STAG1: variants seen among roughly 807,000 people sequenced by gnomAD.
STAG1 encodes STAG1 cohesin complex component.
A neutral mutation model predicts 170.9 loss-of-function variants in STAG1; 26 were observed. That is an observed-to-expected ratio of 0.15 (90% confidence interval 0.11 to 0.21). The LOEUF is 0.21. Ranked by LOEUF, STAG1 falls within the 10% of genes least tolerant of loss-of-function variation. The pLI is 1.00. For missense variants in STAG1, 964 were observed against 1,509.5 expected (o/e 0.64, Z 5.99); for synonymous variants, 514 against 497.7 (o/e 1.03, Z -0.44).
chr3:136,419,180 C>T (rs2087870580), intron 20 of STAG1, among the ~76,000 whole-genome samples: 1 of 152,026 alleles, frequency 6.6e-6, no homozygotes, highest in Non-Finnish European at 1.5e-5. Flanking sequence ...CATTCTGACA[C>T]TAGTAACTTC....
Position 136,541,712 on chromosome 3 carries a change from C to T in STAG1, c.471+407G>A, listed in dbSNP as rs375414221. Reference sequence around the variant, plus strand: ...ATAACATAATGTGATTTTATAATCTCTGAGACAGGTATAATATGTGGTCCT... The same window carrying T: ...ATAACATAATGTGATTTTATAATCTTTGAGACAGGTATAATATGTGGTCCT... On this transcript the variant is annotated intron_variant, in intron 6 of 33. Coordinates refer to ENST00000383202, the MANE Select transcript of STAG1 (RefSeq NM_005862.3). 6.2e-4 allele frequency among the ~76,000 whole-genome samples: 94 copies of T among 152,230 alleles called. 1 individual carries two copies. The South Asian group carries it at 0.019, about 31-fold the overall frequency.
At chr3:136,451,078 G>A (rs549541059) in intron 14 of STAG1, among the ~76,000 whole-genome samples, 1 of 151,740 alleles carries the variant, frequency 6.6e-6, no homozygotes, top group East Asian at 1.9e-4. Flanking sequence ...ATTTCTAAAC[G>A]AAGAAGTTAA....
intron 7 of STAG1, among the ~76,000 whole-genome samples, chr3:136,505,966 A>G (rs1933737905): frequency 6.6e-6 from 1 of 152,228 alleles, no homozygotes; most frequent in African/African-American, 2.4e-5. Flanking sequence ...AGAGGTAGTC[A>G]GAGGCAGAAG....
chr3:136,655,271 C>T (rs1430508552), intron 1 of STAG1, among the ~76,000 whole-genome samples: 1 of 152,142 alleles, frequency 6.6e-6, no homozygotes, highest in Admixed American at 6.6e-5. Flanking sequence ...CAAATAACTT[C>T]TACAACTCAA....
chr3:136,667,002 C>G (rs374057349), intron 1 of STAG1, among the ~76,000 whole-genome samples: 5 of 152,138 alleles, frequency 3.3e-5, no homozygotes, highest in South Asian at 4.2e-4. Flanking sequence ...TAGTTTCAAC[C>G]AAACCACTCA....
intron 13 of STAG1, among the ~76,000 whole-genome samples, chr3:136,458,125 AT>A (rs553495521): frequency 2.0e-5 from 3 of 151,882 alleles, no homozygotes; most frequent in Non-Finnish European, 4.4e-5. Flanking sequence ...AATAAACTGT[AT>A]TTTTTTCTGT....
chr3:136,510,891 C>T (rs1449698034), intron 7 of STAG1, among the ~76,000 whole-genome samples: 2 of 152,128 alleles, frequency 1.3e-5, no homozygotes, highest in African/African-American at 4.8e-5. Context: ...GATTCTTCTG[C>T]CTCAGCCTTG....
chr3:136,567,230 T>C (rs1300321632), intron 5 of STAG1, among the ~76,000 whole-genome samples: 1 of 152,248 alleles, frequency 6.6e-6, no homozygotes, highest in Admixed American at 6.5e-5. Flanking sequence ...TGTTGATTAA[T>C]AGGACTATAT....
At chr3:136,750,070 G>A (rs780635842) in intron 1 of STAG1, among the ~76,000 whole-genome samples, 1 of 151,890 alleles carries the variant, frequency 6.6e-6, no homozygotes, top group East Asian at 1.9e-4. Context: ...TCAGAATCAA[G>A]GAAAAAAAGA....
chr3:136,500,121 C>G (rs1202792398), intron 9 of STAG1, 102 bp downstream of exon 9: 1 of 770,274 alleles, frequency 1.3e-6, no homozygotes, highest in Admixed American at 3.0e-5. Context: ...GAAAACAAAA[C>G]ATAAATCATA....
At chr3:136,668,896 T>C (rs1054457113) in intron 1 of STAG1, among the ~76,000 whole-genome samples, 8 of 152,138 alleles carry the variant, frequency 5.3e-5, no homozygotes, top group African/African-American at 1.9e-4. Context: ...TGTCAAAGGA[T>C]GGAATATGAT....
At chr3:136,731,937 C>CCTAG (rs1340960387) in intron 1 of STAG1, among the ~76,000 whole-genome samples, 1 of 152,018 alleles carries the variant, frequency 6.6e-6, no homozygotes, top group Non-Finnish European at 1.5e-5. Flanking sequence ...AAATATCACA[C>CCTAG]CTAGGTCTTC....
intron 1 of STAG1, among the ~76,000 whole-genome samples, chr3:136,723,290 C>G (rs1404282859): frequency 6.6e-6 from 1 of 151,528 alleles, no homozygotes; most frequent in African/African-American, 2.4e-5. Context: ...AAGTGAGGAG[C>G]GTCTCTGCCC....
At chr3:136,422,893 T>G in intron 17 of STAG1, 36 bp from the exon 18 acceptor site, 1 of 1,593,318 alleles carries the variant, frequency 6.3e-7, no homozygotes. Context: ...CAGTAACTAC[T>G]TTAATAGTAC....
chr3:136,608,797 C>CAAAAAAAAA (rs34993713), intron 3 of STAG1, among the ~76,000 whole-genome samples: 4 of 79,194 alleles, frequency 5.1e-5, no homozygotes, highest in Non-Finnish European at 9.5e-5. Context: ...GACCCTATCT[C>CAAAAAAAAA]AAAAAAAAAA....
chr3:136,734,626 T>C (rs977817385), intron 1 of STAG1, among the ~76,000 whole-genome samples: 1 of 152,202 alleles, frequency 6.6e-6, no homozygotes, highest in African/African-American at 2.4e-5. Context: ...CATCTCCTTT[T>C]ACTTTTGTAT....
rs1576432654 is a variant in STAG1 at position 136,404,445 on chromosome 3, T to C, written c.2197-5616A>G. Among the ~76,000 whole-genome samples the C allele has an allele frequency of 3.3e-5, 5 of 152,200 alleles. 1 individual carries two copies. In the Middle Eastern group the frequency reaches 0.017, roughly 521 times the overall value. ...CTTCTCCTGTCTGCCAGGACACCAA[T>C]ACCCCATGAAAACTTCGGTCCCTGA... On this transcript the variant is annotated intron_variant, in intron 21 of 33. Coordinates refer to ENST00000383202, the MANE Select transcript of STAG1 (RefSeq NM_005862.3).
intron 14 of STAG1, among the ~76,000 whole-genome samples, chr3:136,443,708 C>A (rs545352590): frequency 4.9e-4 from 75 of 152,300 alleles, no homozygotes; most frequent in Non-Finnish European, 3.2e-4. Flanking sequence ...TATGCTGGAT[C>A]TAGGTCACTT....
chr3:136,691,550 A>C (rs956947657), intron 1 of STAG1, among the ~76,000 whole-genome samples: 1 of 152,174 alleles, frequency 6.6e-6, no homozygotes, highest in African/African-American at 2.4e-5. Flanking sequence ...AAGCAATCAA[A>C]GAAAAGTTTG....
Sources: allele counts gnomAD v4.1 joint callset (sites outside exome capture counted in the v4.1 genomes callset), GRCh38; gene constraint gnomAD v4.1.1; transcripts MANE v1.5; gene names NCBI Gene and HGNC (gene_info 2026-07-23, HGNC 2026-07-21).